RPTOR: variants seen among roughly 807,000 people sequenced by gnomAD.
RPTOR encodes regulatory associated protein of MTOR complex 1.
A neutral mutation model predicts 169.9 loss-of-function variants in RPTOR; 21 were observed. That is an observed-to-expected ratio of 0.12 (90% CI 0.09 to 0.18). The LOEUF (loss-of-function observed/expected upper bound fraction) is 0.18. Among genes scored for constraint, RPTOR ranks in the 10% least tolerant of loss-of-function variants. The probability of loss-of-function intolerance (pLI) is 1.00; values close to 1 mark genes in which losing one functional copy is unlikely to be tolerated. For synonymous variants in RPTOR, 732 were observed against 753.2 expected (o/e 0.97, Z 0.46); for missense variants, 1,133 against 1,855.9 (o/e 0.61, Z 7.16).
Position 80,791,431 on chromosome 17 carries a change from T to C in RPTOR, c.831-19T>C. 6.2e-7 allele frequency: 1 copy of C among 1,611,922 alleles called. No individual in the cohort carries two copies. The stretch of plus-strand genomic sequence containing the variant: ...GACTGTTCCATTCATGCCGTTCACA[T>C]TCTTTTCTTTCTCTGCAGGTTTTGC... On this transcript the variant is annotated intron_variant, in intron 6 of 33. Transcript: ENST00000306801.
At chr17:80,771,308 C>G (rs570136873) in intron 6 of RPTOR, among the ~76,000 whole-genome samples, 28 of 152,302 alleles carry the variant, frequency 1.8e-4, no homozygotes, top group African/African-American at 6.5e-4. Flanking sequence ...CTGAGATAAT[C>G]CCTCCTTCCT....
At position 80,746,955 on chromosome 17, in the gene RPTOR, G is replaced by A. The variant is rs1434036550; in HGVS notation, c.655-7055G>A. The stretch of plus-strand genomic sequence containing the variant: ...GGTTCTGGGTGGGTGCGGTGGGTCA[G>A]GCCTGTAACCCCAGAACTTCGGGAG... On this transcript the variant is annotated intron_variant, in intron 5 of 33. Coordinates refer to ENST00000306801, the MANE Select transcript of RPTOR (RefSeq NM_020761.3). This position sits in a 1 kb window ranked among gnomAD's most constrained non-coding sequence, Gnocchi z 4.5. Among the ~76,000 whole-genome samples, 1 of 151,930 alleles carries A rather than the reference G, an allele frequency of 6.6e-6. No individual in the cohort carries two copies. The highest frequency in any genetic ancestry group is 1.5e-5 in the Non-Finnish European group (1 of 67,986).
Position 80,724,822 on chromosome 17 carries a change from C to A in RPTOR, c.508-5738C>A, listed in dbSNP as rs368873582. 1.4e-4 allele frequency among the ~76,000 whole-genome samples: 22 copies of A among 152,182 alleles called. 1 individual carries two copies. Among genetic ancestry groups the A allele is most frequent in the East Asian group, 1.2e-3 (6 of 5,188 alleles). On this transcript the variant is annotated intron_variant, in intron 4 of 33. Coordinates refer to ENST00000306801, the MANE Select transcript of RPTOR (RefSeq NM_020761.3). ...AGGGGCCGTGGGAGAAGAAGCCGCCCCCACGACACTTGCGCTTGCCTTTTC... is the reference window on the plus strand; with the variant it reads ...AGGGGCCGTGGGAGAAGAAGCCGCCACCACGACACTTGCGCTTGCCTTTTC...
intron 5 of RPTOR, among the ~76,000 whole-genome samples, chr17:80,731,122 G>A (rs917510950): frequency 6.6e-6 from 1 of 152,108 alleles, no homozygotes; most frequent in Non-Finnish European, 1.5e-5. Context: ...CAAGCAACGC[G>A]TGTGCCTCAG....
At position 80,823,365 on chromosome 17, in the gene RPTOR, GC is replaced by G; in HGVS notation, c.1136+143del. 1.1e-6 allele frequency: 1 copy of G among 884,278 alleles called. No homozygotes were observed. Among genetic ancestry groups the G allele is most frequent in the South Asian group, 3.1e-5 (1 of 31,942 alleles). The allele number at this position is 884,278 out of a possible 1,614,324, so 54.8% of individuals were successfully genotyped here. ...GTAGCATTAACAAGTGAAGCTAAAT[GC>G]AGGGCTCCCAGAGATCTCCACACAG... is the stretch of plus-strand genomic sequence containing the variant. On this transcript the variant is annotated intron_variant, in intron 9 of 33. Coordinates refer to ENST00000306801, the MANE Select transcript of RPTOR (RefSeq NM_020761.3). The surrounding 1 kb of genome is among the most constrained non-coding windows in gnomAD (Gnocchi z 4.5).
chr17:80,570,984 T>C (rs987622501), intron 1 of RPTOR, among the ~76,000 whole-genome samples: 4 of 152,214 alleles, frequency 2.6e-5, no homozygotes, highest in Admixed American at 6.5e-5. Flanking sequence ...ATTTAGAGTT[T>C]CTCCTTTCTC....
At chr17:80,833,534 T>C (rs187201447) in intron 9 of RPTOR, among the ~76,000 whole-genome samples, 174 of 152,324 alleles carry the variant, frequency 1.1e-3, no homozygotes, top group African/African-American at 4.0e-3. Context: ...CCCACCACCA[T>C]GGCCTCTCGT....
chr17:80,965,866 G>A lies in RPTOR; in HGVS notation c.*1536G>A, dbSNP rs1266841648. 4 of 233,282 alleles carry A rather than the reference G, an allele frequency of 1.7e-5. No individual in the cohort carries two copies. Among genetic ancestry groups the A allele is most frequent in the South Asian group, 1.8e-4 (1 of 5,536 alleles). The allele number at this position is 233,282 out of a possible 1,614,324, so 14.5% of individuals were successfully genotyped here. A position where few individuals can be genotyped will look rare whatever the true frequency, so the allele number is the denominator to read the frequency against. On this transcript the variant is annotated 3_prime_UTR_variant, in exon 34 of 34. Coordinates refer to ENST00000306801, the MANE Select transcript of RPTOR (RefSeq NM_020761.3). ...CGAGCTCCCACCAGAAGAAGGTTCCGGCACGAATCCCATCCCCACGTCTGG... is the reference window on the plus strand; with the variant it reads ...CGAGCTCCCACCAGAAGAAGGTTCCAGCACGAATCCCATCCCCACGTCTGG...
intron 1 of RPTOR, among the ~76,000 whole-genome samples, chr17:80,624,950 A>G (rs1221162964): frequency 6.6e-6 from 1 of 152,144 alleles, no homozygotes; most frequent in Non-Finnish European, 1.5e-5. Context: ...CTCCACCCCG[A>G]TGGGGAGTGT....
At chr17:80,639,614 C>T (rs886758825) in intron 2 of RPTOR, among the ~76,000 whole-genome samples, 6 of 152,180 alleles carry the variant, frequency 3.9e-5, no homozygotes, top group African/African-American at 1.4e-4. Flanking sequence ...AGGGGTCAGC[C>T]TGCGCTCATC....
In RPTOR at chr17:80,961,471, T is replaced by C; in HGVS notation, c.3683T>C (p.Val1228Ala). 1 of 1,550,614 alleles carries C rather than the reference T, an allele frequency of 6.4e-7. No homozygotes were observed. Among genetic ancestry groups the C allele is most frequent in the Non-Finnish European group, 8.7e-7 (1 of 1,147,258 alleles). The change falls in exon 31 of 34, where the codon GTG becomes GCG. Residue 1228 changes from valine (V) to alanine (A), a missense_variant. By Grantham distance (64) the Val-to-Ala change is moderately conservative. Transcript: ENST00000306801. ...CAGAAGCGTCCCGACGGCCACATCG[T>C]GAGTGTGAGGTGAGGAGCGCCGATA... The part of the protein sequence containing the change: ...SLQKRPDGHI[V>A]SVSVNGDVRI...
rs563308049 is a variant in RPTOR at position 80,861,754 on chromosome 17, C to T, written c.1509+3854C>T. Among the ~76,000 whole-genome samples, 6 of 152,334 alleles carry T rather than the reference C, an allele frequency of 3.9e-5. No homozygotes were observed. The highest frequency in any genetic ancestry group is 9.6e-5 in the African/African-American group (4 of 41,572). On this transcript the variant is annotated intron_variant, in intron 13 of 33. Coordinates refer to ENST00000306801, the MANE Select transcript of RPTOR (RefSeq NM_020761.3). This position sits in a 1 kb window ranked among gnomAD's most constrained non-coding sequence, Gnocchi z 4.5. Reference sequence around the variant, plus strand: ...CCCAGCACCGCCAGTGCTGCAGGAACGTGTCTAAGCCAACTTTGATTCTCA... The same window carrying T: ...CCCAGCACCGCCAGTGCTGCAGGAATGTGTCTAAGCCAACTTTGATTCTCA...
Position 80,961,696 on chromosome 17 carries a change from C to T in RPTOR, c.3692+216C>T, listed in dbSNP as rs73359525. 4.4e-3 allele frequency: 2,492 copies of T among 561,238 alleles called. 46 individuals carry two copies. Among genetic ancestry groups the T allele is most frequent in the African/African-American group, 0.041 (2,151 of 52,606 alleles). The allele number at this position is 561,238 out of a possible 1,614,324, so 34.8% of individuals were successfully genotyped here. A position where few individuals can be genotyped will look rare whatever the true frequency, so the allele number is the denominator to read the frequency against. On this transcript the variant is annotated intron_variant, in intron 31 of 33. Transcript: ENST00000306801. Reference sequence around the variant, plus strand: ...TGCTGGGGGACACCTGACCTGCAGGCGCTTTGGGAACTTTCCTGGGCTGCC... The same window carrying T: ...TGCTGGGGGACACCTGACCTGCAGGTGCTTTGGGAACTTTCCTGGGCTGCC...
At chr17:80,658,681 C>A (rs911035285) in intron 3 of RPTOR, among the ~76,000 whole-genome samples, 12 of 152,116 alleles carry the variant, frequency 7.9e-5, no homozygotes, top group Admixed American at 6.5e-5. Context: ...ATAGGTTAGA[C>A]CTTTTCACCA....
chr17:80,647,097 T>C (rs893233336), intron 3 of RPTOR, among the ~76,000 whole-genome samples: 1 of 152,250 alleles, frequency 6.6e-6, no homozygotes, highest in Admixed American at 6.5e-5. Flanking sequence ...ATTATATTTT[T>C]TTCTGAAGGC....
At chr17:80,773,051 G>A (rs1349973096) in intron 6 of RPTOR, among the ~76,000 whole-genome samples, 2 of 152,222 alleles carry the variant, frequency 1.3e-5, no homozygotes, top group Non-Finnish European at 2.9e-5. Context: ...TCAAAGAGCC[G>A]TGTGTCTGCA....
At chr17:80,906,915 TG>T (rs1278906002) in intron 20 of RPTOR, among the ~76,000 whole-genome samples, 3 of 151,878 alleles carry the variant, frequency 2.0e-5, no homozygotes, top group African/African-American at 4.8e-5. Flanking sequence ...GCACTCACGG[TG>T]GGGGCGCGCA....
intron 24 of RPTOR, among the ~76,000 whole-genome samples, chr17:80,929,502 C>T (rs552503323): frequency 6.6e-6 from 1 of 152,362 alleles, no homozygotes; most frequent in South Asian, 2.1e-4. Context: ...AGAGTCGATA[C>T]GCTGTTGGGA....
At chr17:80,850,344 C>T (rs2067779966) in intron 11 of RPTOR, among the ~76,000 whole-genome samples, 1 of 152,230 alleles carries the variant, frequency 6.6e-6, no homozygotes, top group African/African-American at 2.4e-5. Context: ...TTCCACTGAG[C>T]ATAATGGCCT....
Sources: allele counts gnomAD v4.1 joint callset (sites outside exome capture counted in the v4.1 genomes callset), GRCh38; gene constraint gnomAD v4.1.1; non-coding constraint Gnocchi (gnomAD v3.1); transcripts MANE v1.5; gene names NCBI Gene and HGNC (gene_info 2026-07-23, HGNC 2026-07-21).